MTA3: variants seen among roughly 807,000 people sequenced by gnomAD.
MTA3 encodes the protein metastasis-associated protein MTA3.
MTA3 carries 34 observed loss-of-function variants against 83.5 expected under a neutral mutation model. The observed-to-expected ratio is 0.41, with a 90% CI of 0.31 to 0.54. The LOEUF (loss-of-function observed/expected upper bound fraction) is 0.54, where lower values mean the gene tolerates loss of function less well. Among genes scored for constraint, MTA3 ranks in the 20% least tolerant of loss-of-function variants. MTA3 has a pLI of 0.33. For missense variants in MTA3, 761 were observed against 726.4 expected, an observed-to-expected ratio of 1.05 and a Z score of -0.55; for synonymous variants, 303 against 252.7, an observed-to-expected ratio of 1.20 and a Z score of -1.89.
rs556435899 is a variant in MTA3, at chr2:42,499,465, G to A, written c.-141+4211G>A. ...ACAGGCGTGAGCCACCACGCCCGGC[G>A]AGGGTAGATCTTATAGGTGTTCTTA... On this transcript the variant is annotated intron_variant, in intron 2 of 17. Coordinates refer to the MTA3 transcript ENST00000405592. 1.6e-4 allele frequency among the ~76,000 whole-genome samples: 24 copies of A among 151,334 alleles called. No homozygotes were observed. The South Asian group carries it at 3.4e-3, about 21-fold the overall frequency.
At chr2:42,692,537 G>A (rs1251413387) in intron 9 of MTA3, among the ~76,000 whole-genome samples, 2 of 151,376 alleles carry the variant, frequency 1.3e-5, no homozygotes, top group African/African-American at 4.9e-5. Context: ...CAATTCTCGT[G>A]CCTCAGCCTC....
intron 6 of MTA3, among the ~76,000 whole-genome samples, chr2:42,649,368 G>GT (rs964373930): frequency 1.3e-5 from 2 of 151,498 alleles, no homozygotes; most frequent in African/African-American, 4.9e-5. Context: ...AGCCAAGATC[G>GT]TACCACTGCA....
intron 2 of MTA3, among the ~76,000 whole-genome samples, chr2:42,505,253 G>C (rs867052005): frequency 6.6e-6 from 1 of 152,022 alleles, no homozygotes; most frequent in Non-Finnish European, 1.5e-5. Context: ...TTAGCCCGGC[G>C]TGGTGGCATG....
chr2:42,756,464 G>A lies in MTA3; in HGVS notation c.*3065G>A, dbSNP rs1206493899. ...GAGCAGAGCAGGGGGCTGAGGGCAA[G>A]CAGGTGGGGCTGTGCGTGGCCTCAG... On this transcript the variant is annotated 3_prime_UTR_variant, in exon 17 of 17. Coordinates refer to ENST00000405094, the MANE Select transcript of MTA3 (RefSeq NM_001330442.2). 1.0e-6 allele frequency: 1 copy of A among 985,542 alleles called. No homozygotes were observed. The highest frequency in any genetic ancestry group is 1.2e-6 in the Non-Finnish European group (1 of 830,000). 61.0% of individuals were successfully genotyped at this position (985,542 alleles called of 1,614,324 possible).
intron 4 of MTA3, among the ~76,000 whole-genome samples, chr2:42,638,251 A>G (rs1364955826): frequency 6.6e-6 from 1 of 152,200 alleles, no homozygotes; most frequent in Non-Finnish European, 1.5e-5. Context: ...AACCTCATTT[A>G]TTAAGCATAT....
At chr2:42,544,836 G>T (rs527774152) in intron 2 of MTA3, among the ~76,000 whole-genome samples, 1 of 152,132 alleles carries the variant, frequency 6.6e-6, no homozygotes, top group Non-Finnish European at 1.5e-5. Context: ...TCAGTTACAA[G>T]GAAGTGGGTC....
At chr2:42,548,846 AATATATATATATAATATATATATATATAT>A (rs1676909624) in intron 2 of MTA3, among the ~76,000 whole-genome samples, 1 of 15,056 alleles carries the variant, frequency 6.6e-5, no homozygotes, top group East Asian at 1.5e-3. Flanking sequence ...ATATATATAT[AATATATATATATAATATATATATATATAT>A]AATATATATA....
At chr2:42,746,776 G>A (rs936361151) in intron 16 of MTA3, among the ~76,000 whole-genome samples, 2 of 152,266 alleles carry the variant, frequency 1.3e-5, no homozygotes, top group Admixed American at 1.3e-4. Flanking sequence ...GTGAGAAGGG[G>A]TATGCACCTT....
At chr2:42,707,095 G>T (rs995735898) in intron 12 of MTA3, among the ~76,000 whole-genome samples, 2 of 151,492 alleles carry the variant, frequency 1.3e-5, no homozygotes, top group African/African-American at 4.9e-5. Flanking sequence ...CTCTGTAGTC[G>T]CTGGGACTAC....
chr2:42,538,977 T>G (rs185569062), intron 2 of MTA3, among the ~76,000 whole-genome samples: 1,803 of 151,212 alleles, frequency 0.012, 31 homozygotes, highest in African/African-American at 0.041. Context: ...GGTTTCACCT[T>G]GTTAGCCAGG....
At chr2:42,524,486 T>G (rs1354104478) in intron 2 of MTA3, among the ~76,000 whole-genome samples, 5 of 146,336 alleles carry the variant, frequency 3.4e-5, no homozygotes, top group South Asian at 2.2e-4. Flanking sequence ...TTTTTTTTTT[T>G]TTTTTTTTTT....
intron 3 of MTA3, among the ~76,000 whole-genome samples, chr2:42,598,312 G>T (rs891903782): frequency 6.7e-6 from 1 of 149,020 alleles, no homozygotes; most frequent in Non-Finnish European, 1.5e-5. Context: ...TGATCCACCC[G>T]CCTCGGCCTC....
chr2:42,643,046 CT>C (rs796628589), intron 5 of MTA3, among the ~76,000 whole-genome samples: 61 of 65,176 alleles, frequency 9.4e-4, no homozygotes, highest in Admixed American at 1.5e-3. Flanking sequence ...CCCCCCCCCC[CT>C]TTTTTTTTTA....
chr2:42,677,404 G>A (rs1302180387), intron 8 of MTA3, among the ~76,000 whole-genome samples: 5 of 151,970 alleles, frequency 3.3e-5, no homozygotes, highest in East Asian at 1.9e-4. Context: ...GTGCAGTGGC[G>A]CAATCTTGGC....
chr2:42,634,413 A>G (rs928679089), intron 4 of MTA3, among the ~76,000 whole-genome samples: 5 of 152,186 alleles, frequency 3.3e-5, no homozygotes, highest in South Asian at 2.1e-4. Context: ...GCAACTTACA[A>G]TCATGGTGGA....
chr2:42,519,683 T>C (rs757248485), intron 2 of MTA3, among the ~76,000 whole-genome samples: 2 of 151,256 alleles, frequency 1.3e-5, no homozygotes, highest in Non-Finnish European at 2.9e-5. Flanking sequence ...TGAGGATCAC[T>C]TGAGCCCAGG....
At chr2:42,541,037 T>A (rs1473189999) in intron 2 of MTA3, among the ~76,000 whole-genome samples, 1 of 151,732 alleles carries the variant, frequency 6.6e-6, no homozygotes, top group African/African-American at 2.4e-5. Context: ...TCAAATTTTT[T>A]TTTTTTTTTT....
At chr2:42,632,960 C>G (rs1481695588) in intron 4 of MTA3, among the ~76,000 whole-genome samples, 1 of 150,510 alleles carries the variant, frequency 6.6e-6, no homozygotes, top group East Asian at 1.9e-4. Context: ...TCTTTGTACT[C>G]CTTTTTAAAA....
At chr2:42,627,774 C>G (rs1385837818) in intron 4 of MTA3, among the ~76,000 whole-genome samples, 1 of 125,516 alleles carries the variant, frequency 8.0e-6, no homozygotes. Flanking sequence ...GACATAGTTT[C>G]GCCATGTTGG....
Sources: allele counts gnomAD v4.1 joint callset (sites outside exome capture counted in the v4.1 genomes callset), GRCh38; gene constraint gnomAD v4.1.1; transcripts MANE v1.5; gene names NCBI Gene and HGNC (gene_info 2026-07-23, HGNC 2026-07-21).